Variants in BIVM observed in about 807,000 individuals in gnomAD.
BIVM encodes basic, immunoglobulin-like variable motif containing.
A neutral mutation model predicts 61.4 loss-of-function variants in BIVM; 31 were observed. The ratio of observed to expected loss-of-function variants is 0.51; its 90% CI spans 0.38 to 0.68. BIVM has a LOEUF of 0.68. BIVM is among the 30% of genes least tolerant of loss of function. The pLI is 0.00. For synonymous variants in BIVM, 189 were observed against 210.7 expected, an observed-to-expected ratio of 0.90 and a Z score of 0.89; for missense variants, 526 against 596.0, an observed-to-expected ratio of 0.88 and a Z score of 1.22.
chr13:102,839,430 G>A, intron 10 of BIVM, 142 bp from the exon 11 acceptor site: 2 of 1,130,698 alleles, frequency 1.8e-6, no homozygotes, highest in Non-Finnish European at 1.2e-6. Context: ...TGCAGGATGA[G>A]GTGCTCTGAT....
chr13:102,835,304 C>T (rs1018342782), intron 9 of BIVM, among the ~76,000 whole-genome samples: 1 of 152,082 alleles, frequency 6.6e-6, no homozygotes, highest in Non-Finnish European at 1.5e-5. Flanking sequence ...GCACTCTCAT[C>T]TGGGTGACAG....
At chr13:102,822,029 A>C in intron 6 of BIVM, 36 bp from the exon 7 acceptor site, 1 of 1,602,758 alleles carries the variant, frequency 6.2e-7, no homozygotes, top group Non-Finnish European at 8.5e-7. Flanking sequence ...TTGTTGTAGA[A>C]TTGTTGCCAT....
At position 102,812,551 on chromosome 13, in the gene BIVM, C is replaced by A. The variant is rs184813232; in HGVS notation, c.479-3877C>A. Reference sequence around the variant, plus strand: ...GTTTTTGTTTTTTGATTGCTATAGGCTGTTTCTATGCTGGTAATCAACCTG... The same window carrying A: ...GTTTTTGTTTTTTGATTGCTATAGGATGTTTCTATGCTGGTAATCAACCTG... On this transcript the variant is annotated intron_variant, in intron 3 of 10. Transcript: ENST00000257336. Among the ~76,000 whole-genome samples, 7 of 152,192 alleles carry A rather than the reference C, an allele frequency of 4.6e-5. No individual in the cohort carries two copies. In the East Asian group the frequency reaches 1.2e-3, roughly 25 times the overall value.
chr13:102,816,297 AT>A lies in BIVM; in HGVS notation c.479-125del, dbSNP rs1294255440. The A allele has an allele frequency of 3.2e-5, 27 of 854,822 alleles. No individual in the cohort carries two copies. In the African/African-American group the frequency reaches 4.3e-4, roughly 14 times the overall value. 53.0% of individuals were successfully genotyped at this position (854,822 alleles called of 1,614,324 possible). ...CTGTGGCAGTTATTTATTTGTTATT[AT>A]TTTTTCTTTGCACTTTCTCAGCAGA... On this transcript the variant is annotated intron_variant, in intron 3 of 10. Transcript: ENST00000257336.
intron 7 of BIVM, among the ~76,000 whole-genome samples, chr13:102,825,779 G>A (rs1880627436): frequency 6.6e-6 from 1 of 152,180 alleles, no homozygotes; most frequent in Non-Finnish European, 1.5e-5. Flanking sequence ...CGTAACAAAT[G>A]GATATGGTGG....
chr13:102,840,048 T>C lies in BIVM; in HGVS notation c.*183T>C, dbSNP rs897585739. 4.1e-5 allele frequency: 24 copies of C among 592,102 alleles called. No individual in the cohort carries two copies. The highest frequency in any genetic ancestry group is 3.4e-4 in the African/African-American group (18 of 53,724). The allele number at this position is 592,102 out of a possible 1,614,324, so 36.7% of individuals were successfully genotyped here. On this transcript the variant is annotated 3_prime_UTR_variant, in exon 11 of 11. Coordinates refer to ENST00000257336, the MANE Select transcript of BIVM (RefSeq NM_017693.4). ...TGATTATGGTGGGTGATTTCAGATATATAAGCAGATAAGCACAGATTATTG... is the reference window on the plus strand; with the variant it reads ...TGATTATGGTGGGTGATTTCAGATACATAAGCAGATAAGCACAGATTATTG...
At position 102,841,296 on chromosome 13, in the gene BIVM, C is replaced by T. The variant is rs575760098; in HGVS notation, c.*1431C>T. On this transcript the variant is annotated 3_prime_UTR_variant, in exon 11 of 11. Coordinates refer to ENST00000257336, the MANE Select transcript of BIVM (RefSeq NM_017693.4). ...CGCAATACACCTCAAGGAAAAGGTT[C>T]AGATTTTTATTTTTAAAATATTTTC... is the stretch of plus-strand genomic sequence containing the variant. 5 of 152,646 alleles carry T rather than the reference C, an allele frequency of 3.3e-5. No individual in the cohort carries two copies. The East Asian group carries it at 7.7e-4, about 24-fold the overall frequency. The allele number at this position is 152,646 out of a possible 1,614,324, so 9.5% of individuals were successfully genotyped here.
chr13:102,803,697 C>T (rs1014420542), intron 1 of BIVM, among the ~76,000 whole-genome samples: 4 of 152,020 alleles, frequency 2.6e-5, no homozygotes, highest in African/African-American at 7.3e-5. Context: ...TGCCTCTCAC[C>T]GAGACTATAT....
At chr13:102,816,591 A>T (rs1261946500) in intron 4 of BIVM, 37 bp downstream of exon 4, 10 of 1,461,932 alleles carry the variant, frequency 6.8e-6, no homozygotes, top group Non-Finnish European at 8.1e-6. Flanking sequence ...CATTTTTGAA[A>T]TATGTAATAT....
At chr13:102,828,055 T>G (rs955329406) in intron 7 of BIVM, among the ~76,000 whole-genome samples, 9 of 152,234 alleles carry the variant, frequency 5.9e-5, no homozygotes, top group African/African-American at 1.9e-4. Context: ...GCTTTACGTT[T>G]TCCTGGGGAC....
intron 2 of BIVM, among the ~76,000 whole-genome samples, chr13:102,806,519 G>A (rs1879095192): frequency 6.6e-6 from 1 of 152,188 alleles, no homozygotes; most frequent in Non-Finnish European, 1.5e-5. Context: ...CAAAGTGCTG[G>A]ATTACAGGTG....
intron 9 of BIVM, among the ~76,000 whole-genome samples, chr13:102,837,279 T>TAAAG (rs143781887): frequency 6.6e-6 from 1 of 152,020 alleles, no homozygotes; most frequent in South Asian, 2.1e-4. Context: ...CCCTGTCTCA[T>TAAAG]AAAGAAAGAA....
intron 9 of BIVM, among the ~76,000 whole-genome samples, chr13:102,837,455 G>A (rs538957369): frequency 1.5e-4 from 23 of 152,196 alleles, no homozygotes; most frequent in African/African-American, 5.5e-4. Context: ...CACTGCTGGT[G>A]GGAATGTAAA....
chr13:102,833,699 G>A (rs1329713167), intron 8 of BIVM, among the ~76,000 whole-genome samples: 1 of 152,184 alleles, frequency 6.6e-6, no homozygotes, highest in Non-Finnish European at 1.5e-5. Flanking sequence ...GGGGAAGAGA[G>A]GGATTCTGAG....
intron 10 of BIVM, among the ~76,000 whole-genome samples, chr13:102,839,115 G>A: frequency 6.6e-6 from 1 of 152,156 alleles, no homozygotes. Context: ...CCTGTCTTGG[G>A]TTCAGTTCCG....
At chr13:102,825,626 T>G (rs1880618736) in intron 7 of BIVM, among the ~76,000 whole-genome samples, 1 of 152,234 alleles carries the variant, frequency 6.6e-6, no homozygotes, top group South Asian at 2.1e-4. Context: ...CCTCGATGTT[T>G]CCCTGTTCTT....
intron 7 of BIVM, among the ~76,000 whole-genome samples, chr13:102,826,068 G>A (rs1337053751): frequency 6.6e-6 from 1 of 152,196 alleles, no homozygotes; most frequent in Non-Finnish European, 1.5e-5. Context: ...GAGGATATGA[G>A]TCAGGAGGAA....
Position 102,799,205 on chromosome 13 carries a change from A to C in BIVM, c.-523A>C. ...ACTTCTCGGTCACCGCTTTCGGGGG[A>C]CAGATAAACACCACAGATGCCCATC... On this transcript the variant is annotated 5_prime_UTR_variant, in exon 1 of 11. Coordinates refer to ENST00000257336, the MANE Select transcript of BIVM (RefSeq NM_017693.4). 2 of 356,748 alleles carry C rather than the reference A, an allele frequency of 5.6e-6. No individual in the cohort carries two copies. Among genetic ancestry groups the C allele is most frequent in the Non-Finnish European group, 1.0e-5 (2 of 200,258 alleles). 22.1% of individuals were successfully genotyped at this position (356,748 alleles called of 1,614,324 possible).
chr13:102,817,633 G>A (rs1440095980), intron 4 of BIVM, among the ~76,000 whole-genome samples: 1 of 151,820 alleles, frequency 6.6e-6, no homozygotes, highest in Non-Finnish European at 1.5e-5. Flanking sequence ...CAAACCCATT[G>A]ATGATCCTTG....
Sources: gnomAD v4.1 joint callset for allele counts (sites outside exome capture counted in the v4.1 genomes callset) on GRCh38, gnomAD v4.1.1 for gene constraint, MANE v1.5 for transcripts, NCBI Gene and HGNC (gene_info 2026-07-23, HGNC 2026-07-21) for gene names.